Variants in DKK2 observed in about 807,000 individuals in gnomAD.
DKK2 encodes dickkopf Wnt signaling pathway inhibitor 2.
A neutral mutation model predicts 28.1 loss-of-function variants in DKK2; 11 were observed. That is an observed-to-expected ratio of 0.39 (90% CI 0.25 to 0.65). The LOEUF is 0.65. Ranked by LOEUF, DKK2 falls within the 30% of genes least tolerant of loss-of-function variation. The probability of loss-of-function intolerance (pLI) is 0.47; values close to 1 mark genes in which losing one functional copy is unlikely to be tolerated. For synonymous variants in DKK2, 135 were observed against 126.5 expected, an observed-to-expected ratio of 1.07 and a Z score of -0.45; for missense variants, 326 against 335.5, an observed-to-expected ratio of 0.97 and a Z score of 0.22.
rs760390137 is a variant in DKK2, at chr4:106,923,828, T to A, written c.*126A>T. On this transcript the variant is annotated 3_prime_UTR_variant, in exon 4 of 4. Transcript: ENST00000285311. ...TTTTCTTTCTCCCTTTTTGTGATCA[T>A]CTATATTCTTATCACGTTTCTTATT... The A allele has an allele frequency of 7.6e-7, 1 of 1,310,194 alleles. No individual in the cohort carries two copies. Among genetic ancestry groups the A allele is most frequent in the East Asian group, 2.3e-5 (1 of 42,684 alleles). The allele number at this position is 1,310,194 out of a possible 1,614,324, so 81.2% of individuals were successfully genotyped here.
chr4:106,998,386 T>C (rs1293324872), intron 1 of DKK2, among the ~76,000 whole-genome samples: 1 of 152,170 alleles, frequency 6.6e-6, no homozygotes, highest in Non-Finnish European at 1.5e-5. Flanking sequence ...GCAATCACTT[T>C]GGTTACTCAA....
intron 1 of DKK2, among the ~76,000 whole-genome samples, chr4:107,007,941 C>T (rs1401323293): frequency 1.3e-5 from 2 of 152,110 alleles, no homozygotes; most frequent in Non-Finnish European, 2.9e-5. Flanking sequence ...TTGGAAACAT[C>T]AATTTCCCAG....
At chr4:106,983,170 A>C (rs1723052261) in intron 1 of DKK2, among the ~76,000 whole-genome samples, 1 of 151,876 alleles carries the variant, frequency 6.6e-6, no homozygotes, top group African/African-American at 2.4e-5. Context: ...TGATGTCTTA[A>C]ATATTTATGT....
intron 1 of DKK2, among the ~76,000 whole-genome samples, chr4:106,954,526 C>A (rs1398013972): frequency 2.6e-5 from 4 of 151,678 alleles, no homozygotes; most frequent in African/African-American, 9.7e-5. Flanking sequence ...CTTTTCTTTT[C>A]TTTTTTTTGT....
rs570341295 is a variant in DKK2, at chr4:106,946,585, G to A, written c.223-20636C>T. Among the ~76,000 whole-genome samples, 12 of 152,176 alleles carry A rather than the reference G, an allele frequency of 7.9e-5. 1 individual carries two copies. In the East Asian group the frequency reaches 2.3e-3, roughly 29 times the overall value. On this transcript the variant is annotated intron_variant, in intron 1 of 3. Transcript: ENST00000285311. ...GAACTCCCAAACTAATCTTCAAGAA[G>A]CAGCCAGCTGAAGACATAATCTCAA...
intron 1 of DKK2, among the ~76,000 whole-genome samples, chr4:106,952,035 G>A (rs1724867526): frequency 6.6e-6 from 1 of 152,094 alleles, no homozygotes; most frequent in South Asian, 2.1e-4. Flanking sequence ...CTTAGATTTG[G>A]ATGTGAGCTT....
At chr4:106,939,111 G>A (rs1724648894) in intron 1 of DKK2, among the ~76,000 whole-genome samples, 1 of 152,168 alleles carries the variant, frequency 6.6e-6, no homozygotes, top group South Asian at 2.1e-4. Context: ...GTTTTGGCCA[G>A]GGCAATTAGG....
chr4:107,031,803 T>C lies in DKK2; in HGVS notation c.222+3567A>G, dbSNP rs1275603613. On this transcript the variant is annotated intron_variant, in intron 1 of 3. Transcript: ENST00000285311. ...AAGGTTTTTCATTCACACAGAAAAATATGTGAATTGCAAAGCTTGATTTTT... is the reference window on the plus strand; with the variant it reads ...AAGGTTTTTCATTCACACAGAAAAACATGTGAATTGCAAAGCTTGATTTTT... 2.6e-5 allele frequency among the ~76,000 whole-genome samples: 4 copies of C among 151,904 alleles called. No individual in the cohort carries two copies. In the East Asian group the frequency reaches 7.7e-4, roughly 29 times the overall value.
chr4:106,954,449 C>A lies in DKK2; in HGVS notation c.223-28500G>T, dbSNP rs562243151. ...TTATGTTGCACTTTAATCAAGATAACAATATATTCTTTAATGTACAACTCC... is the reference window on the plus strand; with the variant it reads ...TTATGTTGCACTTTAATCAAGATAAAAATATATTCTTTAATGTACAACTCC... On this transcript the variant is annotated intron_variant, in intron 1 of 3. Transcript: ENST00000285311. Among the ~76,000 whole-genome samples the A allele has an allele frequency of 3.3e-5, 5 of 152,180 alleles. No individual in the cohort carries two copies. The East Asian group carries it at 9.7e-4, about 29-fold the overall frequency.
intron 1 of DKK2, among the ~76,000 whole-genome samples, chr4:106,988,612 T>C (rs1022633197): frequency 1.3e-5 from 2 of 152,128 alleles, no homozygotes; most frequent in African/African-American, 4.8e-5. Flanking sequence ...TAAAAAAATA[T>C]TTTTATTTCA....
At position 107,035,842 on chromosome 4, in the gene DKK2, T is replaced by C. The variant is rs1723957139; in HGVS notation, c.-251A>G. The C allele has an allele frequency of 1.8e-6, 1 of 547,012 alleles. No homozygotes were observed. Among genetic ancestry groups the C allele is most frequent in the Non-Finnish European group, 3.3e-6 (1 of 306,102 alleles). 33.9% of individuals were successfully genotyped at this position (547,012 alleles called of 1,614,324 possible). A position where few individuals can be genotyped will look rare whatever the true frequency, so the allele number is the denominator to read the frequency against. ...GAAGTTCTGCAATAACTGGAAGCAA[T>C]CAAATGCGAGGCGCTTTCTCGCCAA... On this transcript the variant is annotated 5_prime_UTR_variant, in exon 1 of 4. Transcript: ENST00000285311.
In DKK2 at chr4:106,974,096, C is replaced by G. The variant is rs1375282204; in HGVS notation, c.223-48147G>C. On this transcript the variant is annotated intron_variant, in intron 1 of 3. Transcript: ENST00000285311. ...GAGGCCTCTGTTATGTTCCATTGGT[C>G]TATATACCTGATTTGGTACCAGTAC... Among the ~76,000 whole-genome samples, 3 of 152,094 alleles carry G rather than the reference C, an allele frequency of 2.0e-5. No individual in the cohort carries two copies. The East Asian group carries it at 5.8e-4, about 29-fold the overall frequency.
chr4:106,926,193 A>C (rs901874999), intron 1 of DKK2, among the ~76,000 whole-genome samples: 1 of 152,118 alleles, frequency 6.6e-6, no homozygotes, highest in African/African-American at 2.4e-5. Flanking sequence ...TCATTGACAC[A>C]ACGCTAGAGT....
chr4:106,944,981 A>C (rs942557556), intron 1 of DKK2, among the ~76,000 whole-genome samples: 2 of 152,118 alleles, frequency 1.3e-5, no homozygotes, highest in Admixed American at 6.6e-5. Context: ...AAATTGGATG[A>C]AGTGATGTTT....
At chr4:106,933,927 G>T (rs907935852) in intron 1 of DKK2, among the ~76,000 whole-genome samples, 2 of 152,020 alleles carry the variant, frequency 1.3e-5, no homozygotes, top group Non-Finnish European at 2.9e-5. Context: ...TTTAACATAT[G>T]GGTTCAGAAA....
Position 107,035,442 on chromosome 4 carries a change from G to C in DKK2, c.150C>G (p.Ala50=), listed in dbSNP as rs778810827. 8.1e-6 allele frequency: 13 copies of C among 1,614,152 alleles called. No homozygotes were observed. The highest frequency in any genetic ancestry group is 1.1e-5 in the South Asian group (1 of 91,080). Residue 50 remains alanine (A), a synonymous_variant, in exon 1 of 4, where the codon GCC becomes GCG. Transcript: ENST00000285311. ...SSLGGETPGQ[A]ANRSAGMYQG... is the part of the protein sequence containing the mutation. ...GGTACATGCCCGCAGATCGATTGGC[G>C]GCCTGACCAGGCGTCTCCCCGCCCA... is the stretch of plus-strand genomic sequence containing the variant.
chr4:106,980,018 C>T (rs1196107261), intron 1 of DKK2, among the ~76,000 whole-genome samples: 1 of 152,158 alleles, frequency 6.6e-6, no homozygotes, highest in Admixed American at 6.5e-5. Flanking sequence ...TTTTGGTGTC[C>T]ATATCATGGT....
At chr4:107,012,236 C>T (rs764482174) in intron 1 of DKK2, among the ~76,000 whole-genome samples, 19 of 151,376 alleles carry the variant, frequency 1.3e-4, no homozygotes, top group South Asian at 2.1e-4. Context: ...CAGCTTAAGA[C>T]CCATCACTTA....
chr4:106,925,668 C>G, intron 2 of DKK2, 131 bp downstream of exon 2: 1 of 1,200,122 alleles, frequency 8.3e-7, no homozygotes, highest in Non-Finnish European at 1.1e-6. Context: ...TAATCTTACA[C>G]TACCTAAACC....
Sources: allele counts gnomAD v4.1 joint callset (sites outside exome capture counted in the v4.1 genomes callset), GRCh38; gene constraint gnomAD v4.1.1; transcripts MANE v1.5; gene names NCBI Gene and HGNC (gene_info 2026-07-23, HGNC 2026-07-21).